Variants in ECE1 observed in about 807,000 individuals in gnomAD.
ECE1 encodes endothelin converting enzyme 1.
A neutral mutation model predicts 98.6 loss-of-function variants in ECE1; 35 were observed. That is an observed-to-expected ratio of 0.35 (90% CI 0.27 to 0.47). The LOEUF (loss-of-function observed/expected upper bound fraction) is 0.47, where lower values mean the gene tolerates loss of function less well. Ranked by LOEUF, ECE1 falls within the 20% of genes least tolerant of loss-of-function variation. The probability of loss-of-function intolerance (pLI) is 1.00; values close to 1 mark genes in which losing one functional copy is unlikely to be tolerated. For missense variants in ECE1, 814 were observed against 1,025.3 expected (o/e 0.79, Z 2.81); for synonymous variants, 394 against 407.1 (o/e 0.97, Z 0.39).
rs1250393281 is a variant in ECE1, at chr1:21,227,201, C to T, written c.1807G>A (p.Val603Ile). ...PKALNFGGIG[V>I]VVGHELTHAF... is the part of the protein sequence containing the mutation. Reference sequence around the variant, plus strand: ...TGAGTCAGCTCATGGCCCACGACGACACCTATGCCACCAAAGTTTAAGGCC... The same window carrying T: ...TGAGTCAGCTCATGGCCCACGACGATACCTATGCCACCAAAGTTTAAGGCC... Residue 603 changes from valine to isoleucine, a missense_variant, in exon 16 of 19, where the codon GTC becomes ATC. By Grantham distance (29) the Val-to-Ile change is conservative. Transcript: ENST00000374893. 1 of 1,614,142 alleles carries T rather than the reference C, an allele frequency of 6.2e-7. No homozygotes were observed. The highest frequency in any genetic ancestry group is 1.1e-5 in the South Asian group (1 of 91,086).
chr1:21,275,910 T>C (rs753935905), intron 3 of ECE1, among the ~76,000 whole-genome samples: 14 of 152,044 alleles, frequency 9.2e-5, no homozygotes, highest in Admixed American at 2.0e-4. Flanking sequence ...CACGACCATC[T>C]CCTTGTTCAT....
At chr1:21,328,394 C>T (rs919610952) in intron 1 of ECE1, among the ~76,000 whole-genome samples, 3 of 152,334 alleles carry the variant, frequency 2.0e-5, no homozygotes, top group Admixed American at 1.3e-4. Context: ...AGTGGGTCCT[C>T]AGTAAATGGT....
intron 8 of ECE1, among the ~76,000 whole-genome samples, chr1:21,248,216 G>A (rs2098206740): frequency 6.6e-6 from 1 of 152,068 alleles, no homozygotes; most frequent in Admixed American, 6.5e-5. Flanking sequence ...TCTTGTCCAG[G>A]CTGGAGTGCA....
At chr1:21,317,480 G>A (rs1248435371) in intron 1 of ECE1, among the ~76,000 whole-genome samples, 1 of 152,244 alleles carries the variant, frequency 6.6e-6, no homozygotes, top group Non-Finnish European at 1.5e-5. Flanking sequence ...AGCCCGCGGC[G>A]ACGCTGAGCT....
chr1:21,287,617 A>G (rs1569663047), intron 2 of ECE1, among the ~76,000 whole-genome samples: 1 of 152,232 alleles, frequency 6.6e-6, no homozygotes. Context: ...AAAGCTAAAA[A>G]TGGGTCACCC....
In ECE1 at chr1:21,235,240, C is replaced by T. The variant is rs2098186528; in HGVS notation, c.1566+610G>A. On this transcript the variant is annotated intron_variant, in intron 13 of 18. Coordinates refer to ENST00000374893, the MANE Select transcript of ECE1 (RefSeq NM_001397.3). The surrounding 1 kb of genome is among the most constrained non-coding windows in gnomAD (Gnocchi z 4.2). ...TAATTTGAGGCAGAAGCACAATCCA[C>T]CTAACTGAGTGATTTGCCAAAAGTT... is the stretch of plus-strand genomic sequence containing the variant. Among the ~76,000 whole-genome samples, 1 of 152,228 alleles carries T rather than the reference C, an allele frequency of 6.6e-6. No homozygotes were observed. The highest frequency in any genetic ancestry group is 2.1e-4 in the South Asian group (1 of 4,832).
At chr1:21,236,631 A>G (rs2098188482) in intron 12 of ECE1, 115 bp downstream of exon 12, 2 of 1,047,866 alleles carry the variant, frequency 1.9e-6, no homozygotes, top group Admixed American at 1.8e-5. Context: ...CCTGGGTAAC[A>G]AGAACGAAAC....
chr1:21,245,138 A>G, intron 9 of ECE1, 35 bp from the exon 10 acceptor site: 3 of 1,584,676 alleles, frequency 1.9e-6, no homozygotes, highest in East Asian at 2.2e-5. Flanking sequence ...GCTCAGGGAC[A>G]CCTAGGCAGG....
intron 1 of ECE1, among the ~76,000 whole-genome samples, chr1:21,308,046 C>G (rs776224635): frequency 6.6e-6 from 1 of 152,168 alleles, no homozygotes; most frequent in East Asian, 1.9e-4. Flanking sequence ...GAACCATGAA[C>G]GAGCTTGCTC....
intron 2 of ECE1, among the ~76,000 whole-genome samples, chr1:21,281,546 G>A (rs1437849255): frequency 6.6e-6 from 1 of 152,220 alleles, no homozygotes; most frequent in Non-Finnish European, 1.5e-5. Flanking sequence ...CCAAGGACTT[G>A]AAGCAGGGAC....
chr1:21,325,351 A>G (rs1639055632), intron 1 of ECE1, among the ~76,000 whole-genome samples: 1 of 152,222 alleles, frequency 6.6e-6, no homozygotes, highest in Non-Finnish European at 1.5e-5. Context: ...TAACGTCACA[A>G]TTAAGGGGCA....
intron 8 of ECE1, among the ~76,000 whole-genome samples, chr1:21,254,315 C>T (rs777701248): frequency 2.0e-5 from 3 of 151,904 alleles, no homozygotes; most frequent in African/African-American, 4.8e-5. Context: ...TTTGGCCAGG[C>T]GTGGTGGCTC....
chr1:21,246,855 C>T (rs1340068926), intron 9 of ECE1, among the ~76,000 whole-genome samples: 1 of 152,188 alleles, frequency 6.6e-6, no homozygotes, highest in Non-Finnish European at 1.5e-5. Flanking sequence ...GACACCGTCT[C>T]GCCATGTTGC....
intron 2 of ECE1, chr1:21,279,571 CTTGT>C (rs1483788009): frequency 6.9e-7 from 1 of 1,441,722 alleles, no homozygotes; most frequent in Non-Finnish European, 9.1e-7. Context: ...CCCCGACAGG[CTTGT>C]TTTTTTGTGT....
chr1:21,264,791 G>A (rs549656563), intron 4 of ECE1, among the ~76,000 whole-genome samples: 7 of 152,328 alleles, frequency 4.6e-5, no homozygotes, highest in Admixed American at 2.0e-4. Context: ...TCATGGAGGC[G>A]TAATGATAAC....
intron 4 of ECE1, among the ~76,000 whole-genome samples, chr1:21,270,369 G>A (rs1288626711): frequency 6.6e-6 from 1 of 152,202 alleles, no homozygotes; most frequent in Admixed American, 6.5e-5. Context: ...CAGGCTCTGC[G>A]CCCCCTGCAG....
chr1:21,284,155 C>G (rs980947795), intron 2 of ECE1, among the ~76,000 whole-genome samples: 14 of 152,206 alleles, frequency 9.2e-5, no homozygotes, highest in African/African-American at 3.4e-4. Flanking sequence ...TGCCCAGCCT[C>G]CTTCATGGGA....
rs577734196 is a variant in ECE1, at chr1:21,254,756, T to C, written c.1020+1191A>G. 2.0e-5 allele frequency among the ~76,000 whole-genome samples: 3 copies of C among 152,274 alleles called. No homozygotes were observed. In the East Asian group the frequency reaches 5.8e-4, roughly 30 times the overall value. Reference sequence around the variant, plus strand: ...GCCAGATGGTATCTAACAGCAGCTGTTGATCTCCATCCTGGTCTGAGCAGC... The same window carrying C: ...GCCAGATGGTATCTAACAGCAGCTGCTGATCTCCATCCTGGTCTGAGCAGC... On this transcript the variant is annotated intron_variant, in intron 8 of 18. Coordinates refer to ENST00000374893, the MANE Select transcript of ECE1 (RefSeq NM_001397.3).
intron 10 of ECE1, among the ~76,000 whole-genome samples, chr1:21,243,552 C>T (rs2098199348): frequency 6.6e-6 from 1 of 152,158 alleles, no homozygotes; most frequent in South Asian, 2.1e-4. Context: ...CTATGAAAGT[C>T]CCTTCACCTC....
Sources: gnomAD v4.1 joint callset for allele counts (sites outside exome capture counted in the v4.1 genomes callset) on GRCh38, gnomAD v4.1.1 for gene constraint, Gnocchi (gnomAD v3.1) non-coding constraint, MANE v1.5 for transcripts, NCBI Gene and HGNC (gene_info 2026-07-23, HGNC 2026-07-21) for gene names.